Variants in STAT4 observed in about 807,000 individuals in gnomAD.
STAT4 encodes signal transducer and activator of transcription 4.
Under a neutral mutation model 110.5 loss-of-function variants are expected in STAT4, and 42 were observed. The observed-to-expected ratio is 0.38, with a 90% CI of 0.30 to 0.49. STAT4 has a LOEUF of 0.49. STAT4 is among the 20% of genes least tolerant of loss of function. The pLI, the probability that STAT4 is intolerant of heterozygous loss-of-function variation, is 0.95. For missense variants in STAT4, 632 were observed against 887.9 expected, an observed-to-expected ratio of 0.71 and a Z score of 3.66; for synonymous variants, 284 against 302.2, an observed-to-expected ratio of 0.94 and a Z score of 0.63.
chr2:191,068,723 A>G (rs1455279091), intron 6 of STAT4: 1 of 152,136 alleles, frequency 6.6e-6, no homozygotes, highest in Non-Finnish European at 1.5e-5. Flanking sequence ...CTGTTCTCTT[A>G]CATAAACATA....
In STAT4 at chr2:191,150,443, C is replaced by T. The variant is rs992685517; in HGVS notation, c.-2+504G>A. 6.6e-6 allele frequency among the ~76,000 whole-genome samples: 1 copy of T among 152,166 alleles called. No homozygotes were observed. The highest frequency in any genetic ancestry group is 2.4e-5 in the African/African-American group (1 of 41,428). ...CCACTAAAGGGGCATTTTGTCCCAC[C>T]GTCTGTGAGCTGGTGGTGCCGCTTT... On this transcript the variant is annotated intron_variant, in intron 1 of 23. Coordinates refer to ENST00000392320, the MANE Select transcript of STAT4 (RefSeq NM_003151.4). This position sits in a 1 kb window ranked among gnomAD's most constrained non-coding sequence, Gnocchi z 6.4.
chr2:191,106,702 A>T (rs371013991), intron 3 of STAT4, among the ~76,000 whole-genome samples: 9 of 100,086 alleles, frequency 9.0e-5, no homozygotes, highest in African/African-American at 2.9e-4. Context: ...TAAAATAAAA[A>T]AATGTACTCA....
rs1228550749 is a variant in STAT4 at position 191,140,822 on chromosome 2, G to C, written c.273+5791C>G. ...TAGCAGTACAATTCACAATTGCAAA[G>C]ATAAGGAACCAACCTAAGTGTCCAT... On this transcript the variant is annotated intron_variant, in intron 3 of 23. Coordinates refer to ENST00000392320, the MANE Select transcript of STAT4 (RefSeq NM_003151.4). The surrounding 1 kb of genome is among the most constrained non-coding windows in gnomAD (Gnocchi z 4.4). 6.6e-6 allele frequency among the ~76,000 whole-genome samples: 1 copy of C among 152,112 alleles called. No individual in the cohort carries two copies. The highest frequency in any genetic ancestry group is 1.9e-4 in the East Asian group (1 of 5,190).
rs1406749347 is a variant in STAT4 at position 191,060,425 on chromosome 2, T to C, written c.1034+1304A>G. On this transcript the variant is annotated intron_variant, in intron 10 of 23. Transcript: ENST00000392320. This position sits in a 1 kb window ranked among gnomAD's most constrained non-coding sequence, Gnocchi z 4.5. Reference sequence around the variant, plus strand: ...TTTTTTATTTTACTTTATTATTCTGTTTTATTTTTTGAGATGGAGTCTTGC... The same window carrying C: ...TTTTTTATTTTACTTTATTATTCTGCTTTATTTTTTGAGATGGAGTCTTGC... Among the ~76,000 whole-genome samples, 1 of 152,194 alleles carries C rather than the reference T, an allele frequency of 6.6e-6. No individual in the cohort carries two copies. Among genetic ancestry groups the C allele is most frequent in the East Asian group, 1.9e-4 (1 of 5,196 alleles).
chr2:191,097,248 T>C lies in STAT4; in HGVS notation c.274-20923A>G, dbSNP rs557740140. Among the ~76,000 whole-genome samples, 22 of 152,344 alleles carry C rather than the reference T, an allele frequency of 1.4e-4. No individual in the cohort carries two copies. In the South Asian group the frequency reaches 4.1e-3, roughly 29 times the overall value. ...CCCCATCAAGCTACCAAAGACTTTT[T>C]TCACAGAATTGGAAAAACTACTTTG... is the stretch of plus-strand genomic sequence containing the variant. On this transcript the variant is annotated intron_variant, in intron 3 of 23. Transcript: ENST00000392320.
chr2:191,137,052 T>G (rs375905917), intron 3 of STAT4, among the ~76,000 whole-genome samples: 73 of 152,134 alleles, frequency 4.8e-4, no homozygotes, highest in African/African-American at 1.6e-3. Context: ...TTAAAAAAAT[T>G]GAAGAGGGCC....
chr2:191,056,690 A>C (rs1696705488), intron 13 of STAT4, among the ~76,000 whole-genome samples: 1 of 151,800 alleles, frequency 6.6e-6, no homozygotes, highest in Admixed American at 6.6e-5. Flanking sequence ...GATATCTGTA[A>C]CCTATCTTTT....
chr2:191,128,774 G>C (rs1380991983), intron 3 of STAT4, among the ~76,000 whole-genome samples: 4 of 152,094 alleles, frequency 2.6e-5, no homozygotes, highest in African/African-American at 7.2e-5. Flanking sequence ...TACTGTATAG[G>C]CAGTGAGATT....
chr2:191,124,873 C>T (rs1214479321), intron 3 of STAT4, among the ~76,000 whole-genome samples: 1 of 152,190 alleles, frequency 6.6e-6, no homozygotes, highest in Non-Finnish European at 1.5e-5. Flanking sequence ...TCCTAATTTC[C>T]TTTTCCTTGC....
rs1697771321 is a variant in STAT4 at position 191,090,705 on chromosome 2, C to T, written c.274-14380G>A. 6.6e-6 allele frequency among the ~76,000 whole-genome samples: 1 copy of T among 152,018 alleles called. No individual in the cohort carries two copies. Among genetic ancestry groups the T allele is most frequent in the African/African-American group, 2.4e-5 (1 of 41,386 alleles). ...CCTCCCGAGCAGCTGGGACTAGAGG[C>T]ACCCGCCACCATGCCCGGCTAATTT... is the stretch of plus-strand genomic sequence containing the variant. On this transcript the variant is annotated intron_variant, in intron 3 of 23. Transcript: ENST00000392320. The surrounding 1 kb of genome is among the most constrained non-coding windows in gnomAD (Gnocchi z 4.2).
intron 3 of STAT4, among the ~76,000 whole-genome samples, chr2:191,100,691 A>C (rs1046823496): frequency 6.6e-6 from 1 of 152,094 alleles, no homozygotes; most frequent in African/African-American, 2.4e-5. Flanking sequence ...TTAGTCAGAT[A>C]TATCAACCTC....
rs1242858250 is a variant in STAT4, at chr2:191,148,104, A to G, written c.100T>C (p.Leu34=). The G allele has an allele frequency of 2.5e-6, 4 of 1,613,810 alleles. No individual in the cohort carries two copies. Among genetic ancestry groups the G allele is most frequent in the Non-Finnish European group, 3.4e-6 (4 of 1,179,844 alleles). The change falls in exon 2 of 24, where the codon TTG becomes CTG. Residue 34 remains leucine (L), a synonymous_variant. Transcript: ENST00000392320. The stretch of plus-strand genomic sequence containing the variant: ...TCTTGATTTTCAATCCATTGGGCCA[A>G]CAGATGCCGAATTTCCATGGGAAAG... ...DNFPMEIRHL[L]AQWIENQDWE... is the part of the protein sequence containing the mutation.
Position 191,058,376 on chromosome 2 carries a change from C to T in STAT4, c.1095-157G>A, listed in dbSNP as rs1164116201. 6.6e-6 allele frequency among the ~76,000 whole-genome samples: 1 copy of T among 152,150 alleles called. No homozygotes were observed. The highest frequency in any genetic ancestry group is 2.4e-5 in the African/African-American group (1 of 41,404). On this transcript the variant is annotated intron_variant, in intron 11 of 23. Transcript: ENST00000392320. This position sits in a 1 kb window ranked among gnomAD's most constrained non-coding sequence, Gnocchi z 4.3. ...GCAGTGGTGCAATCTTGGCTCACTA[C>T]AACCTCTGCCCCCTGGGTTCAAGCG...
chr2:191,038,249 T>A (rs1696097216), intron 16 of STAT4, among the ~76,000 whole-genome samples: 2 of 152,182 alleles, frequency 1.3e-5, no homozygotes, highest in South Asian at 2.1e-4. Flanking sequence ...GTTCTGCTCT[T>A]TTTGGGGCAC....
Position 191,146,622 on chromosome 2 carries a change from C to G in STAT4, c.264G>C (p.Lys88Asn). The G allele has an allele frequency of 6.5e-7, 1 of 1,528,936 alleles. No homozygotes were observed. Among genetic ancestry groups the G allele is most frequent in the Admixed American group, 2.1e-5 (1 of 47,618 alleles). The allele number at this position is 1,528,936 out of a possible 1,614,324, so 94.7% of individuals were successfully genotyped here. Residue 88 changes from lysine to asparagine, a missense_variant, in exon 3 of 24, where the codon AAG becomes AAC. Physicochemically the swap from Lys to Asn is moderately conservative, Grantham distance 94. This residue lies in a region of STAT4 where 488 missense variants were observed against 632.8 expected (regional missense o/e 0.77). Coordinates refer to ENST00000392320, the MANE Select transcript of STAT4 (RefSeq NM_003151.4). This position sits in a 1 kb window ranked among gnomAD's most constrained non-coding sequence, Gnocchi z 4.5. ...TAGAATGCATTCTTACCTGAAGGACCTTCCTAATTCTTTTTAGATTGTGTA... is the reference window on the plus strand; with the variant it reads ...TAGAATGCATTCTTACCTGAAGGACGTTCCTAATTCTTTTTAGATTGTGTA... ...LLIHNLKRIRKVLQGKFHGNP... is the reference protein window; with the variant it reads ...LLIHNLKRIRNVLQGKFHGNP...
At chr2:191,034,649 A>C in intron 17 of STAT4, 52 bp from the exon 18 acceptor site, 1 of 1,326,724 alleles carries the variant, frequency 7.5e-7, no homozygotes, top group Non-Finnish European at 1.1e-6. Context: ...AGATGCTTCA[A>C]TTTTGTGCTC....
At chr2:191,136,018 A>AC (rs1480930236) in intron 3 of STAT4, among the ~76,000 whole-genome samples, 1 of 129,452 alleles carries the variant, frequency 7.7e-6, no homozygotes, top group Non-Finnish European at 1.6e-5. Flanking sequence ...AAAAAAAAAA[A>AC]AAAACCAAAA....
intron 14 of STAT4, among the ~76,000 whole-genome samples, chr2:191,052,299 GTT>G (rs1158560620): frequency 6.6e-6 from 1 of 152,104 alleles, no homozygotes; most frequent in Non-Finnish European, 1.5e-5. Flanking sequence ...TCAATCTGTG[GTT>G]TGTTTTTAAA....
intron 3 of STAT4, among the ~76,000 whole-genome samples, chr2:191,100,784 T>C (rs1698130525): frequency 6.6e-6 from 1 of 151,150 alleles, no homozygotes; most frequent in Non-Finnish European, 1.5e-5. Flanking sequence ...CATATAAATT[T>C]TTATATTCAT....
Sources: allele counts gnomAD v4.1 joint callset (sites outside exome capture counted in the v4.1 genomes callset), GRCh38; gene constraint gnomAD v4.1.1; regional missense constraint gnomAD v4.1.1; non-coding constraint Gnocchi (gnomAD v3.1); transcripts MANE v1.5; gene names NCBI Gene and HGNC (gene_info 2026-07-23, HGNC 2026-07-21).